The following BAIAP2 variants were observed in gnomAD, a reference collection of about 807,000 sequenced individuals.
The protein encoded by BAIAP2 is BAR/IMD domain containing adaptor protein 2.
BAIAP2 carries 18 observed loss-of-function variants against 63.0 expected under a neutral mutation model. The observed-to-expected ratio is 0.29, with a 90% CI of 0.20 to 0.42. BAIAP2 has a LOEUF of 0.42. Among genes scored for constraint, BAIAP2 ranks in the 10% least tolerant of loss-of-function variants. The probability of loss-of-function intolerance (pLI) is 1.00; values close to 1 mark genes in which losing one functional copy is unlikely to be tolerated. For missense variants in BAIAP2, 610 were observed against 734.3 expected, an observed-to-expected ratio of 0.83 and a Z score of 1.96; for synonymous variants, 386 against 307.6, an observed-to-expected ratio of 1.25 and a Z score of -2.67.
In BAIAP2 at chr17:81,104,125, G is replaced by T. The variant is rs554537696; in HGVS notation, c.1066+17G>T. 6.2e-7 allele frequency: 1 copy of T among 1,612,168 alleles called. No homozygotes were observed. The highest frequency in any genetic ancestry group is 1.3e-5 in the African/African-American group (1 of 75,034). Reference sequence around the variant, plus strand: ...ATGCCACCAGTAAGGGCTCCGCTGGGGTGTTGGGCTGGGGTCCCTGGACGT... The same window carrying T: ...ATGCCACCAGTAAGGGCTCCGCTGGTGTGTTGGGCTGGGGTCCCTGGACGT... On this transcript the variant is annotated intron_variant, in intron 9 of 13. Transcript: ENST00000428708.
At chr17:81,053,577 T>G in intron 1 of BAIAP2, 91 bp from the exon 2 acceptor site, 1 of 1,414,900 alleles carries the variant, frequency 7.1e-7, no homozygotes, top group Non-Finnish European at 1.0e-6. Context: ...GAGGGGTGCC[T>G]GCTCTGGGTT....
In BAIAP2 at chr17:81,055,801, G is replaced by A. The variant is rs371681782; in HGVS notation, c.130+2058G>A. On this transcript the variant is annotated intron_variant, in intron 2 of 13. Transcript: ENST00000428708. ...AGGATGGTCTCGATCTCCTGACCTC[G>A]TGATCCGCCCGCCTCAGCCTCCCAA... Among the ~76,000 whole-genome samples, 573 of 151,974 alleles carry A rather than the reference G, an allele frequency of 3.8e-3. 2 individuals carry two copies. The highest frequency in any genetic ancestry group is 0.012 in the African/African-American group (495 of 41,432).
At chr17:81,108,866 C>A in intron 13 of BAIAP2, 1 of 1,469,854 alleles carries the variant, frequency 6.8e-7, no homozygotes, top group Non-Finnish European at 9.1e-7. Context: ...AGGAGGCCAA[C>A]GGGAGCTGCT....
chr17:81,072,880 C>T (rs1007493290), intron 3 of BAIAP2, among the ~76,000 whole-genome samples: 4 of 151,982 alleles, frequency 2.6e-5, no homozygotes, highest in African/African-American at 4.8e-5. Context: ...GTGGGCCTCA[C>T]GGACCTCATT....
At chr17:81,072,183 C>T (rs1365821253) in intron 3 of BAIAP2, among the ~76,000 whole-genome samples, 2 of 152,238 alleles carry the variant, frequency 1.3e-5, no homozygotes, top group South Asian at 4.1e-4. Context: ...ATTCCACCTG[C>T]CCAAGGGCTG....
intron 10 of BAIAP2, 196 bp from the exon 11 acceptor site, chr17:81,105,882 C>T (rs963707054): frequency 1.4e-5 from 8 of 552,160 alleles, no homozygotes; most frequent in African/African-American, 5.7e-5. Context: ...CAGCCCGGGC[C>T]ACCTTGCCCT....
chr17:81,039,635 C>T (rs1045995029), intron 1 of BAIAP2, among the ~76,000 whole-genome samples: 7 of 152,316 alleles, frequency 4.6e-5, no homozygotes, highest in African/African-American at 1.7e-4. Context: ...AAGGCTGGTG[C>T]TGCCCTGGGC....
At chr17:81,063,811 C>T (rs1193873482) in intron 3 of BAIAP2, 3 of 152,058 alleles carry the variant, frequency 2.0e-5, no homozygotes, top group African/African-American at 7.3e-5. Flanking sequence ...TTCTGGTCAC[C>T]TTCTCCTCCA....
intron 1 of BAIAP2, among the ~76,000 whole-genome samples, chr17:81,047,593 A>G (rs4969242): frequency 0.052 from 7,873 of 151,474 alleles, 309 homozygotes; most frequent in Admixed American, 0.12. Context: ...CACAGCACAC[A>G]CGGGTCCACG....
intron 6 of BAIAP2, among the ~76,000 whole-genome samples, chr17:81,091,548 G>T (rs1229631635): frequency 2.0e-5 from 3 of 152,186 alleles, no homozygotes; most frequent in African/African-American, 4.8e-5. Context: ...TGTATGCCCT[G>T]TGGGGTCACT....
intron 3 of BAIAP2, among the ~76,000 whole-genome samples, chr17:81,068,482 T>C (rs2051929623): frequency 6.6e-6 from 1 of 152,184 alleles, no homozygotes; most frequent in Non-Finnish European, 1.5e-5. Flanking sequence ...TGGCCCCAGC[T>C]GTAGGAGGGC....
In BAIAP2 at chr17:81,084,902, A is replaced by G; in HGVS notation, c.279+9A>G. ...ATCAGCTGGAAGAAATGGTGAGTCC[A>G]CCCCCAGCGTGGCCCTGCGAGGAGG... On this transcript the variant is annotated intron_variant, in intron 4 of 13. Coordinates refer to ENST00000428708, the MANE Select transcript of BAIAP2 (RefSeq NM_001144888.2). The G allele has an allele frequency of 6.2e-7, 1 of 1,613,076 alleles. No individual in the cohort carries two copies. The highest frequency in any genetic ancestry group is 8.5e-7 in the Non-Finnish European group (1 of 1,179,904).
intron 13 of BAIAP2, chr17:81,110,502 T>A: frequency 1.4e-5 from 15 of 1,049,110 alleles, no homozygotes; most frequent in African/African-American, 1.7e-5. Flanking sequence ...AATAAAAGTT[T>A]TATTTATTGC....
At chr17:81,104,411 T>A in intron 9 of BAIAP2, 103 bp from the exon 10 acceptor site, 6 of 1,299,680 alleles carry the variant, frequency 4.6e-6, no homozygotes, top group Middle Eastern at 2.8e-4. Context: ...CTTACCCACC[T>A]GGGGCACAGG....
At position 81,098,211 on chromosome 17, in the gene BAIAP2, A is replaced by G. The variant is rs72634327; in HGVS notation, c.490-1717A>G. The G allele has an allele frequency of 0.25, 334,391 of 1,357,926 alleles. 42,434 individuals are homozygous for G. The highest frequency in any genetic ancestry group is 0.43 in the East Asian group (14,905 of 34,832). The allele number at this position is 1,357,926 out of a possible 1,614,324, so 84.1% of individuals were successfully genotyped here. A position where few individuals can be genotyped will look rare whatever the true frequency, so the allele number is the denominator to read the frequency against. On this transcript the variant is annotated intron_variant, in intron 6 of 13. Transcript: ENST00000428708. ...TGTTGGTCAGGTGAGTCATACAACA[A>G]GCCCTGCACCCATGGGCAGGCTGGG...
At position 81,035,227 on chromosome 17, in the gene BAIAP2, G is replaced by T; in HGVS notation, c.-28G>T. ...GCCGCCGCTTGCGTCCCCCGCTCCG[G>T]TCTGTGGTGCAGCCGGGACCCAGGA... On this transcript the variant is annotated 5_prime_UTR_variant, in exon 1 of 14. Coordinates refer to ENST00000428708, the MANE Select transcript of BAIAP2 (RefSeq NM_001144888.2). 6.7e-7 allele frequency: 1 copy of T among 1,484,378 alleles called. No individual in the cohort carries two copies. The highest frequency in any genetic ancestry group is 9.0e-7 in the Non-Finnish European group (1 of 1,109,974). 92.0% of individuals were successfully genotyped at this position (1,484,378 alleles called of 1,614,324 possible).
chr17:81,115,574 G>A (rs1167881958), intron 13 of BAIAP2, among the ~76,000 whole-genome samples, 196 bp from the exon 14 acceptor site: 1 of 152,206 alleles, frequency 6.6e-6, no homozygotes, highest in African/African-American at 2.4e-5. Context: ...TGGACTTGGG[G>A]GTCAGGCAGC....
rs114171238 is a variant in BAIAP2 at position 81,074,662 on chromosome 17, G to A, written c.218-10170G>A. Among the ~76,000 whole-genome samples the A allele has an allele frequency of 6.9e-3, 1,005 of 145,336 alleles. 9 individuals are homozygous for A. The highest frequency in any genetic ancestry group is 0.025 in the African/African-American group (957 of 38,962). ...ATGCGTTGAGTGCCTCTGTGTCTGC[G>A]TGCACGGATGCGTATGAGTGCCTGT... On this transcript the variant is annotated intron_variant, in intron 3 of 13. Coordinates refer to ENST00000428708, the MANE Select transcript of BAIAP2 (RefSeq NM_001144888.2).
intron 2 of BAIAP2, 44 bp from the exon 3 acceptor site, chr17:81,057,837 G>A (rs781435525): frequency 2.5e-6 from 4 of 1,591,442 alleles, no homozygotes; most frequent in East Asian, 2.3e-5. Context: ...GGTCTTGTCT[G>A]TCCCTCGTGG....
Sources: allele counts gnomAD v4.1 joint callset (sites outside exome capture counted in the v4.1 genomes callset), GRCh38; gene constraint gnomAD v4.1.1; transcripts MANE v1.5; gene names NCBI Gene and HGNC (gene_info 2026-07-23, HGNC 2026-07-21).